SOX5: variants seen among roughly 807,000 people sequenced by gnomAD.
SOX5 encodes the protein transcription factor SOX-5.
In SOX5, 9 loss-of-function variants were observed where a neutral mutation model predicts 92.0. That is an observed-to-expected ratio of 0.10 (90% CI 0.06 to 0.17). The LOEUF (loss-of-function observed/expected upper bound fraction) is 0.17. Among genes scored for constraint, SOX5 ranks in the 10% least tolerant of loss-of-function variants. The probability of loss-of-function intolerance (pLI) is 1.00; values close to 1 mark genes in which losing one functional copy is unlikely to be tolerated. For missense variants in SOX5, 642 were observed against 944.5 expected, an observed-to-expected ratio of 0.68 and a Z score of 4.20; for synonymous variants, 344 against 336.3, an observed-to-expected ratio of 1.02 and a Z score of -0.25.
chr12:24,176,725 T>C (rs1954851523), intron 4 of SOX5, among the ~76,000 whole-genome samples: 2 of 152,186 alleles, frequency 1.3e-5, no homozygotes. Flanking sequence ...TTACATACAT[T>C]GCACTAGGGG....
chr12:24,372,951 C>CAAA (rs375852900), intron 1 of SOX5, among the ~76,000 whole-genome samples: 1,717 of 122,414 alleles, frequency 0.014, 44 homozygotes, highest in African/African-American at 0.038. Flanking sequence ...CCATCTCTAC[C>CAAA]AAAAAAAAAA....
intron 4 of SOX5, among the ~76,000 whole-genome samples, chr12:24,046,202 G>A (rs1352390202): frequency 6.6e-6 from 1 of 152,184 alleles, no homozygotes; most frequent in African/African-American, 2.4e-5. Context: ...TTTAAGAGAG[G>A]GGAGGAGACT....
At chr12:23,847,375 A>G (rs937852677) in intron 2 of SOX5, among the ~76,000 whole-genome samples, 2 of 152,170 alleles carry the variant, frequency 1.3e-5, no homozygotes, top group Non-Finnish European at 2.9e-5. Flanking sequence ...TTCTCTACCT[A>G]TTTGAGACAC....
At chr12:23,605,066 G>T (rs1566247375) in intron 8 of SOX5, among the ~76,000 whole-genome samples, 2 of 152,088 alleles carry the variant, frequency 1.3e-5, no homozygotes, top group African/African-American at 4.8e-5. Flanking sequence ...TATCTGGTCA[G>T]TCTACCTACA....
intron 9 of SOX5, among the ~76,000 whole-genome samples, chr12:23,601,871 T>A (rs1240122757): frequency 1.3e-5 from 2 of 152,132 alleles, no homozygotes; most frequent in Non-Finnish European, 1.5e-5. Flanking sequence ...ACTGAAGAAA[T>A]CTTTTCTGAC....
chr12:24,133,168 A>C (rs577253588), intron 4 of SOX5, among the ~76,000 whole-genome samples: 1 of 152,260 alleles, frequency 6.6e-6, no homozygotes, highest in African/African-American at 2.4e-5. Flanking sequence ...GCAGAAATGC[A>C]TAAAACTACT....
intron 1 of SOX5, among the ~76,000 whole-genome samples, chr12:24,425,269 TAACA>T (rs374196962): frequency 1.5e-4 from 23 of 152,214 alleles, no homozygotes; most frequent in African/African-American, 5.5e-4. Flanking sequence ...ATCATAGGTA[TAACA>T]ATTAATCTGT....
chr12:23,599,280 T>G (rs1485980109), intron 9 of SOX5, among the ~76,000 whole-genome samples: 3 of 152,238 alleles, frequency 2.0e-5, no homozygotes, highest in Non-Finnish European at 4.4e-5. Flanking sequence ...TCAAAGAATC[T>G]GATTGTGTCT....
At chr12:24,485,468 GA>G (rs1362757707) in intron 1 of SOX5, among the ~76,000 whole-genome samples, 1 of 152,146 alleles carries the variant, frequency 6.6e-6, no homozygotes, top group African/African-American at 2.4e-5. Flanking sequence ...TGATGTACGG[GA>G]AAATGACTCG....
chr12:24,338,864 T>C (rs1595729711), intron 2 of SOX5, among the ~76,000 whole-genome samples: 1 of 152,296 alleles, frequency 6.6e-6, no homozygotes, highest in East Asian at 1.9e-4. Context: ...TCCCCAGTCA[T>C]GTGGATGTGG....
intron 8 of SOX5, among the ~76,000 whole-genome samples, chr12:23,617,268 C>T (rs2076678635): frequency 6.6e-6 from 1 of 152,038 alleles, no homozygotes; most frequent in Non-Finnish European, 1.5e-5. Context: ...AAATAGGGGG[C>T]TTGGAGGTAT....
chr12:24,111,385 A>G (rs1020886634), intron 4 of SOX5, among the ~76,000 whole-genome samples: 2 of 152,234 alleles, frequency 1.3e-5, no homozygotes, highest in African/African-American at 4.8e-5. Context: ...CAACACTGTC[A>G]GATCTTGTGC....
intron 4 of SOX5, among the ~76,000 whole-genome samples, chr12:23,964,369 T>A (rs992058888): frequency 2.2e-4 from 33 of 152,280 alleles, no homozygotes; most frequent in Middle Eastern, 3.4e-3. Flanking sequence ...AAAAGCTGCT[T>A]AATATCCCCT....
intron 4 of SOX5, among the ~76,000 whole-genome samples, chr12:24,158,782 TACTA>T (rs1195535470): frequency 6.6e-6 from 1 of 151,970 alleles, no homozygotes; most frequent in East Asian, 1.9e-4. Context: ...CCTTGCTCTC[TACTA>T]ACTTAGGTGA....
At chr12:23,756,654 T>G (rs545989434) in intron 3 of SOX5, among the ~76,000 whole-genome samples, 2 of 152,032 alleles carry the variant, frequency 1.3e-5, no homozygotes, top group South Asian at 4.1e-4. Flanking sequence ...AAAAGATAAG[T>G]GTCCCAGTAT....
chr12:24,461,913 G>T (rs925708364), intron 1 of SOX5, among the ~76,000 whole-genome samples: 1 of 152,076 alleles, frequency 6.6e-6, no homozygotes. Context: ...ACCCAGCTCA[G>T]TTATTAATTA....
chr12:24,052,746 T>C (rs1957685176), intron 4 of SOX5, among the ~76,000 whole-genome samples: 3 of 152,242 alleles, frequency 2.0e-5, no homozygotes, highest in Admixed American at 2.0e-4. Flanking sequence ...AGATGCTACA[T>C]AAATGAAACT....
intron 4 of SOX5, among the ~76,000 whole-genome samples, chr12:23,965,033 G>A (rs1055649620): frequency 6.6e-6 from 1 of 152,068 alleles, no homozygotes; most frequent in African/African-American, 2.4e-5. Flanking sequence ...CCCAGGGGGC[G>A]CGTGGTCAGC....
intron 3 of SOX5, among the ~76,000 whole-genome samples, chr12:24,261,401 C>G (rs1036246035): frequency 6.6e-6 from 1 of 152,302 alleles, no homozygotes; most frequent in East Asian, 1.9e-4. Context: ...CCAACACCCA[C>G]TCTCGTTAAA....
Sources: gnomAD v4.1 joint callset for allele counts (sites outside exome capture counted in the v4.1 genomes callset) on GRCh38, gnomAD v4.1.1 for gene constraint, MANE v1.5 for transcripts, NCBI Gene and HGNC (gene_info 2026-07-23, HGNC 2026-07-21) for gene names.